DNAH6: variants seen among roughly 807,000 people sequenced by gnomAD.
DNAH6 encodes the protein axonemal beta dynein heavy chain 6.
A neutral mutation model predicts 491.4 loss-of-function variants in DNAH6; 340 were observed. The observed-to-expected ratio is 0.69, with a 90% confidence interval of 0.63 to 0.76. The LOEUF is 0.76. Among genes scored for constraint, DNAH6 ranks in the 30% least tolerant of loss-of-function variants. The pLI is 0.00. For missense variants in DNAH6, 4,443 were observed against 4,972.2 expected (o/e 0.89, Z 3.20); for synonymous variants, 1,603 against 1,686.1 (o/e 0.95, Z 1.21).
At chr2:84,805,420 A>G (rs1375221541) in intron 70 of DNAH6, among the ~76,000 whole-genome samples, 2 of 152,246 alleles carry the variant, frequency 1.3e-5, no homozygotes, top group Non-Finnish European at 2.9e-5. Flanking sequence ...GTTGCAGTCA[A>G]GCAAGATGAA....
chr2:84,707,470 T>C, intron 53 of DNAH6, 50 bp from the exon 54 acceptor site: 1 of 1,455,784 alleles, frequency 6.9e-7, no homozygotes, highest in Non-Finnish European at 9.2e-7. Flanking sequence ...CTTTTAATAC[T>C]TTATGAAAAT....
chr2:84,640,654 G>T lies in DNAH6; in HGVS notation c.4970+76G>T, dbSNP rs1689302236. 3 of 1,388,290 alleles carry T rather than the reference G, an allele frequency of 2.2e-6. No homozygotes were observed. In the East Asian group the frequency reaches 7.6e-5, roughly 35 times the overall value. The allele number at this position is 1,388,290 out of a possible 1,614,324, so 86.0% of individuals were successfully genotyped here. On this transcript the variant is annotated intron_variant, in intron 32 of 76. Transcript: ENST00000389394. ...GCATTAAATGGGTAACTCAGGAAAG[G>T]CTCTCAGAGAGTAACTGATTAATAA...
intron 64 of DNAH6, among the ~76,000 whole-genome samples, chr2:84,764,294 A>G (rs1178303599): frequency 6.6e-6 from 1 of 152,214 alleles, no homozygotes; most frequent in Non-Finnish European, 1.5e-5. Context: ...TAAGAAAAAG[A>G]AAACAACCCA....
intron 61 of DNAH6, among the ~76,000 whole-genome samples, chr2:84,730,566 C>G (rs1182323526): frequency 6.7e-6 from 1 of 149,904 alleles, no homozygotes; most frequent in African/African-American, 2.4e-5. Flanking sequence ...AAAAAAATCT[C>G]AAAAAAAAAA....
chr2:84,669,538 C>A (rs1415550673), intron 38 of DNAH6, 28 bp downstream of exon 38: 3 of 1,528,404 alleles, frequency 2.0e-6, no homozygotes, highest in Non-Finnish European at 2.7e-6. Context: ...AACAAGAAGT[C>A]CTCTCCAAAT....
intron 62 of DNAH6, among the ~76,000 whole-genome samples, chr2:84,743,691 G>A (rs1672715820): frequency 6.6e-6 from 1 of 152,126 alleles, no homozygotes; most frequent in Non-Finnish European, 1.5e-5. Flanking sequence ...GTGTGGTGGT[G>A]TGCACCTGTA....
intron 63 of DNAH6, among the ~76,000 whole-genome samples, chr2:84,755,670 A>C (rs1039826172): frequency 2.0e-5 from 3 of 152,206 alleles, no homozygotes; most frequent in Admixed American, 6.5e-5. Flanking sequence ...GATAGAACCT[A>C]CAACACAATG....
At chr2:84,611,918 C>G in intron 22 of DNAH6, 64 bp downstream of exon 22, 1 of 1,388,660 alleles carries the variant, frequency 7.2e-7, no homozygotes, top group Non-Finnish European at 9.7e-7. Context: ...GGACTTTAGT[C>G]CCAGACTAAA....
In DNAH6 at chr2:84,705,698, G is replaced by C; in HGVS notation, c.8678G>C (p.Arg2893Pro). 1.3e-6 allele frequency: 2 copies of C among 1,551,778 alleles called. No homozygotes were observed. Among genetic ancestry groups the C allele is most frequent in the South Asian group, 1.2e-5 (1 of 84,030 alleles). The change falls in exon 52 of 77, where the codon CGA becomes CCA. Residue 2893 changes from arginine (R) to proline (P), a missense_variant. Physicochemically the swap from Arg to Pro is moderately radical, Grantham distance 103. Transcript: ENST00000389394. ...GTAAGAGCTATGGATTTGTACTCTCGAGTGGTCAAGGTCGTCGAACCAAAA... is the reference window on the plus strand; with the variant it reads ...GTAAGAGCTATGGATTTGTACTCTCCAGTGGTCAAGGTCGTCGAACCAAAA... ...MWVRAMDLYS[R>P]VVKVVEPKRQ...
chr2:84,722,813 G>T lies in DNAH6; in HGVS notation c.9972+9G>T, dbSNP rs1423682613. 1.4e-6 allele frequency: 2 copies of T among 1,426,032 alleles called. No individual in the cohort carries two copies. Among genetic ancestry groups the T allele is most frequent in the African/African-American group, 2.9e-5 (2 of 67,850 alleles). The allele number at this position is 1,426,032 out of a possible 1,614,324, so 88.3% of individuals were successfully genotyped here. ...TAAAATACTTTAAACAGGTAAGTGT[G>T]TTCATGTTGTTAATGACAGTCATCT... is the stretch of plus-strand genomic sequence containing the variant. On this transcript the variant is annotated intron_variant, in intron 60 of 76. Coordinates refer to ENST00000389394, the MANE Select transcript of DNAH6 (RefSeq NM_001370.2).
intron 63 of DNAH6, among the ~76,000 whole-genome samples, chr2:84,754,866 A>G (rs915251439): frequency 1.2e-4 from 18 of 152,202 alleles, no homozygotes; most frequent in African/African-American, 4.1e-4. Context: ...CTGAAGATCA[A>G]TTTGGGGAAT....
intron 30 of DNAH6, 21 bp from the exon 31 acceptor site, chr2:84,637,189 T>G: frequency 6.6e-7 from 1 of 1,519,956 alleles, no homozygotes; most frequent in Non-Finnish European, 8.9e-7. Flanking sequence ...GAGTGTTAAC[T>G]TATATTTTAT....
chr2:84,658,325 C>T lies in DNAH6; in HGVS notation c.5791C>T (p.Leu1931Phe). 6.5e-7 allele frequency: 1 copy of T among 1,540,570 alleles called. No individual in the cohort carries two copies. Among genetic ancestry groups the T allele is most frequent in the East Asian group, 2.5e-5 (1 of 40,514 alleles). Residue 1931 changes from leucine (L) to phenylalanine (F), a missense_variant, in exon 36 of 77, where the codon CTT becomes TTT. Leu to Phe is a conservative substitution (Grantham distance 22, BLOSUM62 0). Coordinates refer to ENST00000389394, the MANE Select transcript of DNAH6 (RefSeq NM_001370.2). ...TEETQEYILNLFQRYVDEGLH... is the reference protein window; with the variant it reads ...TEETQEYILNFFQRYVDEGLH... ...GGAAACCCAAGAATATATATTGAATCTTTTCCAACGTTATGTTGATGAAGG... is the reference window on the plus strand; with the variant it reads ...GGAAACCCAAGAATATATATTGAATTTTTTCCAACGTTATGTTGATGAAGG...
chr2:84,669,110 A>G (rs1051705170), intron 37 of DNAH6, among the ~76,000 whole-genome samples, 179 bp from the exon 38 acceptor site: 1 of 152,182 alleles, frequency 6.6e-6, no homozygotes, highest in Non-Finnish European at 1.5e-5. Context: ...ATTGTGTTGC[A>G]TGATTTTGTT....
At chr2:84,480,339 C>G in the DNAH6 span, among the ~76,000 whole-genome samples, 1 of 152,132 alleles carries the variant, frequency 6.6e-6, no homozygotes, top group Non-Finnish European at 1.5e-5. Context: ...GACTTTTATT[C>G]TGATAGAAAT....
the DNAH6 span, among the ~76,000 whole-genome samples, chr2:84,492,106 GAATGCCTTAGGTCTAAAGAA>G: frequency 1.3e-5 from 2 of 152,174 alleles, no homozygotes; most frequent in Non-Finnish European, 2.9e-5. Flanking sequence ...CCCATCTTGG[GAATGCCTTAGGTCTAAAGAA>G]AATTGTAATG....
At chr2:84,733,937 A>G (rs1699320975) in intron 62 of DNAH6, among the ~76,000 whole-genome samples, 1 of 152,014 alleles carries the variant, frequency 6.6e-6, no homozygotes, top group South Asian at 2.1e-4. Context: ...AATCAAAATT[A>G]TAGTTTGATT....
chr2:84,525,196 G>A lies in DNAH6; in HGVS notation c.226-369G>A, dbSNP rs185452639. Among the ~76,000 whole-genome samples the A allele has an allele frequency of 4.7e-4, 72 of 152,156 alleles. No homozygotes were observed. The East Asian group carries it at 0.011, about 22-fold the overall frequency. ...GCTATGAGAAGTGGTTGATGATTTT[G>A]ATTTTGGTGGGAGAATTCTGCACTT... On this transcript the variant is annotated intron_variant, in intron 2 of 76. Coordinates refer to ENST00000389394, the MANE Select transcript of DNAH6 (RefSeq NM_001370.2).
chr2:84,660,361 A>G (rs1454777543), intron 37 of DNAH6, among the ~76,000 whole-genome samples: 1 of 152,210 alleles, frequency 6.6e-6, no homozygotes, highest in Non-Finnish European at 1.5e-5. Flanking sequence ...CCCTTTTAGT[A>G]AAATAAAAAT....
Sources: gnomAD v4.1 joint callset for allele counts (sites outside exome capture counted in the v4.1 genomes callset) on GRCh38, gnomAD v4.1.1 for gene constraint, MANE v1.5 for transcripts, NCBI Gene and HGNC (gene_info 2026-07-23, HGNC 2026-07-21) for gene names.